SPG11: variants seen among roughly 807,000 people sequenced by gnomAD.
The protein encoded by SPG11 is spatacsin.
SPG11 carries 222 observed loss-of-function variants against 274.0 expected under a neutral mutation model. The ratio of observed to expected loss-of-function variants is 0.81; its 90% confidence interval spans 0.73 to 0.91. SPG11 has a LOEUF of 0.91. Among genes scored for constraint, SPG11 ranks in the 40% least tolerant of loss-of-function variants. The probability of loss-of-function intolerance (pLI) is 0.00; values close to 1 mark genes in which losing one functional copy is unlikely to be tolerated. For synonymous variants in SPG11, 1,144 were observed against 1,039.7 expected (o/e 1.10, Z -1.93); for missense variants, 3,114 against 2,872.7 (o/e 1.08, Z -1.92).
intron 1 of SPG11, among the ~76,000 whole-genome samples, chr15:44,662,027 G>C (rs1344164300): frequency 6.6e-6 from 1 of 152,010 alleles, no homozygotes; most frequent in African/African-American, 2.4e-5. Context: ...TCCCTGCTGG[G>C]TTCTCAAACA....
At chr15:44,655,198 T>C (rs982846577) in intron 4 of SPG11, among the ~76,000 whole-genome samples, 2 of 152,112 alleles carry the variant, frequency 1.3e-5, no homozygotes, top group Non-Finnish European at 2.9e-5. Flanking sequence ...GGAGGCTGAG[T>C]TGGAGGACTG....
chr15:44,600,017 C>A (rs966122371), intron 21 of SPG11, among the ~76,000 whole-genome samples: 1 of 152,102 alleles, frequency 6.6e-6, no homozygotes, highest in African/African-American at 2.4e-5. Flanking sequence ...CTTAGAATTC[C>A]CTCTTTAACT....
chr15:44,602,476 T>C (rs1797637104), intron 20 of SPG11, among the ~76,000 whole-genome samples: 1 of 151,638 alleles, frequency 6.6e-6, no homozygotes, highest in South Asian at 2.1e-4. Flanking sequence ...GATCATATGG[T>C]TTTTGTCTTT....
chr15:44,607,593 G>T (rs956058191), intron 19 of SPG11, among the ~76,000 whole-genome samples: 3 of 152,116 alleles, frequency 2.0e-5, no homozygotes, highest in Non-Finnish European at 4.4e-5. Context: ...TAAACCTTAC[G>T]TTGAGTTGAA....
In SPG11 at chr15:44,629,375, C is replaced by G; in HGVS notation, c.1749G>C (p.Leu583=). The G allele has an allele frequency of 6.2e-7, 1 of 1,614,058 alleles. No individual in the cohort carries two copies. Among genetic ancestry groups the G allele is most frequent in the Non-Finnish European group, 8.5e-7 (1 of 1,179,968 alleles). Residue 583 remains leucine (L), a synonymous_variant, in exon 9 of 40, where the codon CTG becomes CTC. Transcript: ENST00000261866. ...SHLYLRNVEE[L]IPALDLLCSA... ...AGCAAAGTAAATCCAATGCTGGTAT[C>G]AGCTCTTCCACATCTGAGAAAGAAC... is the stretch of plus-strand genomic sequence containing the variant.
intron 3 of SPG11, 127 bp downstream of exon 3, chr15:44,658,952 A>G: frequency 2.5e-6 from 2 of 806,932 alleles, no homozygotes; most frequent in Non-Finnish European, 4.2e-6. Context: ...TTTCCATGAA[A>G]AGTTTTACTG....
chr15:44,597,532 G>T (rs1047691096), intron 23 of SPG11, among the ~76,000 whole-genome samples: 6 of 152,134 alleles, frequency 3.9e-5, no homozygotes, highest in Non-Finnish European at 8.8e-5. Context: ...AGCATCCTTA[G>T]GAGAACTGAG....
rs150121550 is a variant in SPG11 at position 44,570,615 on chromosome 15, C to T, written c.6387G>A (p.Thr2129=). The T allele has an allele frequency of 1.2e-5, 19 of 1,613,936 alleles. No homozygotes were observed. In the African/African-American group the frequency reaches 1.6e-4, roughly 14 times the overall value. Residue 2129 remains threonine (T), a synonymous_variant, in exon 34 of 40, where the codon ACG becomes ACA. Transcript: ENST00000261866. ...CTCGGATGATGCCCTCCATGTGGCA[C>T]GTCAGGGTGAAGCAATGATGGGCCA... The part of the protein sequence containing the change: ...LILAHHCFTL[T]CHMEGIIRVL...
chr15:44,645,279 C>A (rs1014982705), intron 7 of SPG11, among the ~76,000 whole-genome samples: 11 of 152,090 alleles, frequency 7.2e-5, no homozygotes, highest in Non-Finnish European at 1.5e-4. Flanking sequence ...ACACATAGAC[C>A]AATAGAACAG....
chr15:44,573,623 G>A lies in SPG11; in HGVS notation c.6129C>T (p.Gly2043=), dbSNP rs2082472323. Reference sequence around the variant, plus strand: ...GTTCAGCCACAGTATCTGGCTTAAGGCCCTGTGTGCTGATGAAGGCCTGGG... The same window carrying A: ...GTTCAGCCACAGTATCTGGCTTAAGACCCTGTGTGCTGATGAAGGCCTGGG... The part of the protein sequence containing the change: ...KRAQAFISTQ[G]LKPDTVAELV... The change falls in exon 32 of 40, where the codon GGC becomes GGT. Residue 2043 remains glycine (G), a synonymous_variant. Coordinates refer to ENST00000261866, the MANE Select transcript of SPG11 (RefSeq NM_025137.4). The A allele has an allele frequency of 4.3e-6, 7 of 1,614,142 alleles. 1 individual carries two copies. The highest frequency in any genetic ancestry group is 2.2e-5 in the East Asian group (1 of 44,872).
At chr15:44,622,845 A>G (rs750300587) in intron 11 of SPG11, 46 bp from the exon 12 acceptor site, 2 of 1,328,848 alleles carry the variant, frequency 1.5e-6, no homozygotes, top group South Asian at 2.3e-5. Context: ...TTTGTAATGG[A>G]ACTATTTTGA....
chr15:44,564,692 T>G lies in SPG11; in HGVS notation c.7006A>C (p.Ile2336Leu), dbSNP rs932123549. 5.0e-6 allele frequency: 8 copies of G among 1,614,160 alleles called. No individual in the cohort carries two copies. The highest frequency in any genetic ancestry group is 5.9e-6 in the Non-Finnish European group (7 of 1,180,010). ...LALPRFYQAS[I>L]VAEAYDFVPD... is the part of the protein sequence containing the mutation. ...ACAAAATCGTAGGCCTCAGCCACAATAGAAGCCTTAAAAGGAGAGGTGAAG... is the reference window on the plus strand; with the variant it reads ...ACAAAATCGTAGGCCTCAGCCACAAGAGAAGCCTTAAAAGGAGAGGTGAAG... The change falls in exon 39 of 40, where the codon ATT becomes CTT. Residue 2336 changes from isoleucine (I) to leucine (L), a missense_variant. Coordinates refer to ENST00000261866, the MANE Select transcript of SPG11 (RefSeq NM_025137.4).
chr15:44,573,663 T>C lies in SPG11; in HGVS notation c.6089A>G (p.Asp2030Gly), dbSNP rs754461822. 1 of 1,614,088 alleles carries C rather than the reference T, an allele frequency of 6.2e-7. No individual in the cohort carries two copies. Residue 2030 changes from aspartate (D) to glycine (G), a missense_variant, in exon 32 of 40, where the codon GAC becomes GGC. By Grantham distance (94) the Asp-to-Gly change is moderately conservative. Coordinates refer to ENST00000261866, the MANE Select transcript of SPG11 (RefSeq NM_025137.4). ...GAAGGCCTGGGCTCGTTTGCATCGGTCAGGCTGCTGAGAGGCCAAGATTTT... is the reference window on the plus strand; with the variant it reads ...GAAGGCCTGGGCTCGTTTGCATCGGCCAGGCTGCTGAGAGGCCAAGATTTT... The part of the protein sequence containing the change: ...LRKILASQQP[D>G]RCKRAQAFIS...
Position 44,600,631 on chromosome 15 carries a change from A to G in SPG11, c.3522T>C (p.Asp1174=), listed in dbSNP as rs777278944. 1 of 1,613,674 alleles carries G rather than the reference A, an allele frequency of 6.2e-7. No individual in the cohort carries two copies. Among genetic ancestry groups the G allele is most frequent in the African/African-American group, 1.3e-5 (1 of 74,914 alleles). Reference sequence around the variant, plus strand: ...AGAAATGTGGGAGATGACTCCATGCATCTAGGGGGAAAGTAAAACAATATT... The same window carrying G: ...AGAAATGTGGGAGATGACTCCATGCGTCTAGGGGGAAAGTAAAACAATATT... ...WQSANTLAIG[D]AWSHLPHFSS... is the part of the protein sequence containing the mutation. Residue 1174 remains aspartate, a splice_region_variant and synonymous_variant, in exon 21 of 40, where the codon GAT becomes GAC. Transcript: ENST00000261866.
chr15:44,583,014 T>C (rs944142689), intron 30 of SPG11, among the ~76,000 whole-genome samples: 1 of 152,178 alleles, frequency 6.6e-6, no homozygotes, highest in Non-Finnish European at 1.5e-5. Context: ...CTGAAAGGCC[T>C]AGTCAGTGCA....
rs766295723 is a variant in SPG11, at chr15:44,564,585, C to T, written c.7113G>A (p.Arg2371=). Residue 2371 remains arginine (R), a synonymous_variant, in exon 39 of 40, where the codon AGG becomes AGA. Transcript: ENST00000261866. The part of the protein sequence containing the change: ...FNYLEEFKQQ[R]LLKSSIFEEI... Reference sequence around the variant, plus strand: ...CTTCAAATATACTGGACTTTAATAACCTTTGCTGCTTAAATTCTTCCAAGT... The same window carrying T: ...CTTCAAATATACTGGACTTTAATAATCTTTGCTGCTTAAATTCTTCCAAGT... 1 of 1,614,008 alleles carries T rather than the reference C, an allele frequency of 6.2e-7. No homozygotes were observed. The highest frequency in any genetic ancestry group is 8.5e-7 in the Non-Finnish European group (1 of 1,179,914).
chr15:44,617,680 T>C (rs2083623942), intron 15 of SPG11, among the ~76,000 whole-genome samples: 1 of 152,144 alleles, frequency 6.6e-6, no homozygotes, highest in African/African-American at 2.4e-5. Context: ...TAATTTCTTT[T>C]TGTTGTTTTT....
In SPG11 at chr15:44,575,088, G is replaced by T. The variant is rs2082506380; in HGVS notation, c.5867-47C>A. The stretch of plus-strand genomic sequence containing the variant: ...AGGGGCTCTAAGCTGGGAGGTTCTG[G>T]CCTCTCCCTAGCTCTCTATGGCTCT... On this transcript the variant is annotated intron_variant, in intron 30 of 39. Transcript: ENST00000261866. 3 of 1,610,456 alleles carry T rather than the reference G, an allele frequency of 1.9e-6. No homozygotes were observed. The East Asian group carries it at 6.7e-5, about 36-fold the overall frequency.
intron 30 of SPG11, among the ~76,000 whole-genome samples, chr15:44,582,098 G>A (rs1308529901): frequency 6.6e-6 from 1 of 152,082 alleles, no homozygotes; most frequent in Non-Finnish European, 1.5e-5. Context: ...CTTCCAAAAT[G>A]GAAATCTCCA....
Sources: allele counts gnomAD v4.1 joint callset (sites outside exome capture counted in the v4.1 genomes callset), GRCh38; gene constraint gnomAD v4.1.1; transcripts MANE v1.5; gene names NCBI Gene and HGNC (gene_info 2026-07-23, HGNC 2026-07-21).